The following SYCP2 variants were observed in gnomAD, a reference collection of about 807,000 sequenced individuals.
SYCP2 encodes synaptonemal complex lateral element protein.
SYCP2 carries 55 observed loss-of-function variants against 211.3 expected under a neutral mutation model. That is an observed-to-expected ratio of 0.26 (90% confidence interval 0.21 to 0.33). The LOEUF is 0.33. Ranked by LOEUF, SYCP2 falls within the 10% of genes least tolerant of loss-of-function variation. SYCP2 has a pLI of 1.00. For missense variants in SYCP2, 1,731 were observed against 1,752.0 expected, an observed-to-expected ratio of 0.99 and a Z score of 0.21; for synonymous variants, 570 against 555.2, an observed-to-expected ratio of 1.03 and a Z score of -0.37.
At chr20:59,867,604 G>T (rs1412599235) in intron 39 of SYCP2, 107 bp downstream of exon 39, 2 of 926,740 alleles carry the variant, frequency 2.2e-6, no homozygotes, top group Non-Finnish European at 3.2e-6. Flanking sequence ...TTGGTTTCAT[G>T]AATGGATATT....
intron 38 of SYCP2, 95 bp from the exon 39 acceptor site, chr20:59,867,942 G>T: frequency 1.2e-6 from 1 of 842,366 alleles, no homozygotes; most frequent in Non-Finnish European, 1.8e-6. Context: ...CTTATTTTCC[G>T]AATCTATGTG....
chr20:59,864,089 A>G lies in SYCP2; in HGVS notation c.*222T>C, dbSNP rs2059282913. The G allele has an allele frequency of 6.3e-6, 2 of 319,348 alleles. No homozygotes were observed. Among genetic ancestry groups the G allele is most frequent in the Non-Finnish European group, 1.2e-5 (2 of 172,292 alleles). The allele number at this position is 319,348 out of a possible 1,614,324, so 19.8% of individuals were successfully genotyped here. A position where few individuals can be genotyped will look rare whatever the true frequency, so the allele number is the denominator to read the frequency against. On this transcript the variant is annotated 3_prime_UTR_variant, in exon 45 of 45. Transcript: ENST00000357552. ...CTTAAAGCTTTTATCTCCAAAATTA[A>G]AAAAAAATATTGTATAGACAGAAGT... is the stretch of plus-strand genomic sequence containing the variant.
intron 31 of SYCP2, among the ~76,000 whole-genome samples, chr20:59,878,727 G>A (rs1407428424): frequency 1.3e-5 from 2 of 152,024 alleles, no homozygotes; most frequent in Non-Finnish European, 2.9e-5. Flanking sequence ...ATCATGTCCT[G>A]TATAATATCC....
intron 2 of SYCP2, among the ~76,000 whole-genome samples, chr20:59,931,840 C>T (rs574265725): frequency 5.9e-5 from 9 of 152,148 alleles, no homozygotes; most frequent in African/African-American, 2.2e-4. Flanking sequence ...ATACAGGCCA[C>T]AATAGAGTCA....
intron 29 of SYCP2, 33 bp from the exon 30 acceptor site, chr20:59,881,056 C>T: frequency 8.2e-7 from 1 of 1,225,766 alleles, no homozygotes; most frequent in Non-Finnish European, 1.2e-6. Context: ...TTAAAAAATA[C>T]CCTTCATACT....
chr20:59,905,519 C>T (rs754855923), intron 15 of SYCP2, among the ~76,000 whole-genome samples: 5 of 151,982 alleles, frequency 3.3e-5, no homozygotes, highest in South Asian at 2.1e-4. Flanking sequence ...AAAATTGCTA[C>T]GTACTGTATG....
In SYCP2 at chr20:59,901,657, CT is replaced by C; in HGVS notation, c.1182+4del. The C allele has an allele frequency of 6.7e-7, 1 of 1,486,676 alleles. No homozygotes were observed. The highest frequency in any genetic ancestry group is 9.2e-7 in the Non-Finnish European group (1 of 1,087,076). The allele number at this position is 1,486,676 out of a possible 1,614,324, so 92.1% of individuals were successfully genotyped here. On this transcript the variant is annotated splice_donor_region_variant and intron_variant, in intron 16 of 44. Transcript: ENST00000357552. ...AGTAAATATTTATTAAGTTTAAAGA[CT>C]TACCCTATGTTTAGTTGCACCAAAA...
chr20:59,917,155 A>G (rs888034150), intron 7 of SYCP2, among the ~76,000 whole-genome samples: 1 of 152,102 alleles, frequency 6.6e-6, no homozygotes, highest in African/African-American at 2.4e-5. Context: ...GATTAAGTAA[A>G]TATAGTTCAA....
At chr20:59,887,032 A>G (rs2059803975) in intron 24 of SYCP2, among the ~76,000 whole-genome samples, 198 bp from the exon 25 acceptor site, 1 of 151,976 alleles carries the variant, frequency 6.6e-6, no homozygotes, top group Admixed American at 6.6e-5. Context: ...TTTAAGTTCT[A>G]GGGTACATGT....
chr20:59,894,426 T>A (rs2059968629), intron 20 of SYCP2, among the ~76,000 whole-genome samples: 1 of 151,896 alleles, frequency 6.6e-6, no homozygotes, highest in Non-Finnish European at 1.5e-5. Context: ...CTTGAACCAT[T>A]ACTTTGACTA....
rs1183437951 is a variant in SYCP2, at chr20:59,877,462, A to G, written c.3073T>C (p.Tyr1025His). ...GATTCTGAATTTGAGAGATCTTTAT[A>G]GTTTTTTTTTGTTTTGGTTGCTTTT... is the stretch of plus-strand genomic sequence containing the variant. ...PRKATKTKKN[Y>H]KDLSNSESEC... Residue 1025 changes from tyrosine to histidine, a missense_variant, in exon 33 of 45, where the codon TAT becomes CAT. Physicochemically the swap from Tyr to His is moderately conservative, Grantham distance 83 (BLOSUM62 2). Around this residue, in one of 3 missense-constraint regions of SYCP2, gnomAD observed 1,387 missense variants for 1,351.3 expected, o/e 1.03. Transcript: ENST00000357552. The G allele has an allele frequency of 1.2e-6, 2 of 1,604,606 alleles. No individual in the cohort carries two copies. The highest frequency in any genetic ancestry group is 2.3e-5 in the South Asian group (2 of 88,426).
intron 2 of SYCP2, among the ~76,000 whole-genome samples, chr20:59,923,643 A>C (rs1674896616): frequency 6.6e-6 from 1 of 151,850 alleles, no homozygotes; most frequent in African/African-American, 2.4e-5. Context: ...TGAAGGTTAC[A>C]GTGAGCTATG....
chr20:59,916,438 C>T (rs751607871), intron 8 of SYCP2, 48 bp downstream of exon 8: 4 of 1,098,150 alleles, frequency 3.6e-6, no homozygotes, highest in Non-Finnish European at 5.5e-6. Flanking sequence ...TATTGATTTT[C>T]TTCACGTTCT....
At chr20:59,902,130 T>C (rs1345952916) in intron 15 of SYCP2, among the ~76,000 whole-genome samples, 1 of 152,126 alleles carries the variant, frequency 6.6e-6, no homozygotes, top group Non-Finnish European at 1.5e-5. Context: ...ACTATTTTCT[T>C]AATTTAAAAA....
chr20:59,881,511 A>G lies in SYCP2; in HGVS notation c.2659-19T>C, dbSNP rs564857558. 5.0e-5 allele frequency: 67 copies of G among 1,341,914 alleles called. No homozygotes were observed. Among genetic ancestry groups the G allele is most frequent in the Non-Finnish European group, 6.5e-5 (64 of 991,788 alleles). 83.1% of individuals were successfully genotyped at this position (1,341,914 alleles called of 1,614,324 possible). A position where few individuals can be genotyped will look rare whatever the true frequency, so the allele number is the denominator to read the frequency against. On this transcript the variant is annotated intron_variant, in intron 28 of 44. Transcript: ENST00000357552. The stretch of plus-strand genomic sequence containing the variant: ...CTTGGATCTATATTGTAAATAAACA[A>G]AAAAAAAGAGGTGTCAGTGTCAAAA...
In SYCP2 at chr20:59,899,556, G is replaced by A. The variant is rs376850572; in HGVS notation, c.1404+582C>T. ...GGGTTTAGAGCAAACCTACCAAGAGGTATGGAGAGAAAGTTTTTCTAATGT... is the reference window on the plus strand; with the variant it reads ...GGGTTTAGAGCAAACCTACCAAGAGATATGGAGAGAAAGTTTTTCTAATGT... On this transcript the variant is annotated intron_variant, in intron 18 of 44. Coordinates refer to ENST00000357552, the MANE Select transcript of SYCP2 (RefSeq NM_014258.4). Among the ~76,000 whole-genome samples, 22 of 152,286 alleles carry A rather than the reference G, an allele frequency of 1.4e-4. No individual in the cohort carries two copies. In the East Asian group the frequency reaches 1.9e-3, roughly 13 times the overall value.
intron 9 of SYCP2, 61 bp from the exon 10 acceptor site, chr20:59,915,260 T>C (rs2060415195): frequency 7.8e-7 from 1 of 1,288,870 alleles, no homozygotes; most frequent in African/African-American, 1.5e-5. Flanking sequence ...GAAGTCCACA[T>C]GTTTAGGAGG....
chr20:59,928,205 C>T (rs1015798805), intron 2 of SYCP2, among the ~76,000 whole-genome samples: 11 of 152,098 alleles, frequency 7.2e-5, no homozygotes, highest in African/African-American at 2.7e-4. Context: ...GAGATTCCAG[C>T]GAGGCTCAAC....
chr20:59,895,615 G>C lies in SYCP2; in HGVS notation c.1505-18C>G. On this transcript the variant is annotated intron_variant, in intron 19 of 44. Transcript: ENST00000357552. ...TGGTATTGCTAAAAAGGAGGACAAG[G>C]ATTGCAGATTTTTCTTTTTTTACCT... is the stretch of plus-strand genomic sequence containing the variant. The C allele has an allele frequency of 1.2e-6, 2 of 1,608,894 alleles. No homozygotes were observed. Among genetic ancestry groups the C allele is most frequent in the Non-Finnish European group, 1.7e-6 (2 of 1,178,200 alleles).
Sources: gnomAD v4.1 joint callset for allele counts (sites outside exome capture counted in the v4.1 genomes callset) on GRCh38, gnomAD v4.1.1 for gene constraint, gnomAD v4.1.1 regional missense constraint, MANE v1.5 for transcripts, NCBI Gene and HGNC (gene_info 2026-07-23, HGNC 2026-07-21) for gene names.